Variants in STXBP5 observed in about 807,000 individuals in gnomAD.
STXBP5 encodes the protein syntaxin-binding protein 5.
STXBP5 carries 50 observed loss-of-function variants against 152.4 expected under a neutral mutation model. That is an observed-to-expected ratio of 0.33 (90% CI 0.26 to 0.42). STXBP5 has a LOEUF of 0.42. Among genes scored for constraint, STXBP5 ranks in the 10% least tolerant of loss-of-function variants. The pLI is 1.00. For missense variants in STXBP5, 1,167 were observed against 1,388.6 expected (o/e 0.84, Z 2.54); for synonymous variants, 492 against 494.7 (o/e 0.99, Z 0.07).
intron 4 of STXBP5, among the ~76,000 whole-genome samples, chr6:147,240,189 G>A (rs1582827995): frequency 6.6e-6 from 1 of 151,984 alleles, no homozygotes; most frequent in South Asian, 2.1e-4. Context: ...TGATCTGCCC[G>A]CCTCAGCCTC....
At chr6:147,335,063 C>T (rs1465297386) in intron 19 of STXBP5, among the ~76,000 whole-genome samples, 1 of 152,082 alleles carries the variant, frequency 6.6e-6, no homozygotes, top group Non-Finnish European at 1.5e-5. Flanking sequence ...TTGCCTTTTA[C>T]AATTGCATTT....
intron 4 of STXBP5, among the ~76,000 whole-genome samples, chr6:147,244,659 G>A (rs1377105340): frequency 6.6e-6 from 1 of 152,120 alleles, no homozygotes; most frequent in Non-Finnish European, 1.5e-5. Context: ...GTGAAATACA[G>A]TTTTTGGTGA....
At chr6:147,311,896 T>C (rs1384143436) in intron 11 of STXBP5, among the ~76,000 whole-genome samples, 1 of 152,192 alleles carries the variant, frequency 6.6e-6, no homozygotes, top group East Asian at 1.9e-4. Flanking sequence ...GCAATGTTTA[T>C]ACGTGCTTTT....
Position 147,206,101 on chromosome 6 carries a change from T to G in STXBP5, c.248+33T>G, listed in dbSNP as rs748792851. The G allele has an allele frequency of 6.4e-6, 10 of 1,574,794 alleles. No homozygotes were observed. The South Asian group carries it at 1.1e-4, about 17-fold the overall frequency. ...TTCTTTAATTTTATTTTTTAACTTC[T>G]ACTTTGTTCTCCCCAGTCCTTCTGT... On this transcript the variant is annotated intron_variant, in intron 2 of 27. Coordinates refer to ENST00000321680, the MANE Select transcript of STXBP5 (RefSeq NM_001127715.4).
chr6:147,236,691 AAAG>A (rs1778287437), intron 3 of STXBP5, among the ~76,000 whole-genome samples: 1 of 152,150 alleles, frequency 6.6e-6, no homozygotes, highest in African/African-American at 2.4e-5. Flanking sequence ...AAGGGAAAAT[AAAG>A]AAGTGCCTTC....
At chr6:147,295,449 C>T (rs191292702) in intron 9 of STXBP5, among the ~76,000 whole-genome samples, 130 of 152,268 alleles carry the variant, frequency 8.5e-4, no homozygotes, top group Non-Finnish European at 1.5e-3. Flanking sequence ...TCACCATCCC[C>T]CCCACACACG....
In STXBP5 at chr6:147,211,143, C is replaced by G. The variant is rs545066870; in HGVS notation, c.248+5075C>G. Among the ~76,000 whole-genome samples, 4 of 152,082 alleles carry G rather than the reference C, an allele frequency of 2.6e-5. No individual in the cohort carries two copies. In the South Asian group the frequency reaches 8.3e-4, roughly 32 times the overall value. On this transcript the variant is annotated intron_variant, in intron 2 of 27. Coordinates refer to ENST00000321680, the MANE Select transcript of STXBP5 (RefSeq NM_001127715.4). ...TGACCAACGTGGTGGAACCCCATCT[C>G]TACTAAAAACACAAAAATTAGCCTG...
At chr6:147,253,799 C>T (rs1037602914) in intron 4 of STXBP5, among the ~76,000 whole-genome samples, 6 of 152,088 alleles carry the variant, frequency 3.9e-5, no homozygotes, top group African/African-American at 1.4e-4. Flanking sequence ...TAAGAGAGGA[C>T]ACAAACAAAT....
At position 147,388,158 on chromosome 6, in the gene STXBP5, A is replaced by G. The variant is rs1786428181; in HGVS notation, c.*3403A>G. On this transcript the variant is annotated 3_prime_UTR_variant, in exon 28 of 28. Coordinates refer to ENST00000321680, the MANE Select transcript of STXBP5 (RefSeq NM_001127715.4). ...AATTTTTTCTGCACTTTTTTAGGTAATGAAAACTTTTTATTATCATTTAAT... is the reference window on the plus strand; with the variant it reads ...AATTTTTTCTGCACTTTTTTAGGTAGTGAAAACTTTTTATTATCATTTAAT... 1 of 151,928 alleles carries G rather than the reference A, an allele frequency of 6.6e-6. No homozygotes were observed. Among genetic ancestry groups the G allele is most frequent in the Admixed American group, 6.6e-5 (1 of 15,230 alleles). The allele number at this position is 151,928 out of a possible 1,614,324, so 9.4% of individuals were successfully genotyped here.
chr6:147,241,036 G>T (rs1381485756), intron 4 of STXBP5, among the ~76,000 whole-genome samples: 1 of 152,100 alleles, frequency 6.6e-6, no homozygotes, highest in Non-Finnish European at 1.5e-5. Flanking sequence ...AACTCTTACT[G>T]TATTATGATA....
intron 4 of STXBP5, among the ~76,000 whole-genome samples, chr6:147,245,080 C>T (rs1293156924): frequency 6.7e-6 from 1 of 148,782 alleles, no homozygotes; most frequent in South Asian, 2.1e-4. Context: ...GCAATCTCTG[C>T]CTCCTGGGTT....
In STXBP5 at chr6:147,362,041, A is replaced by G. The variant is rs1785088478; in HGVS notation, c.2546-1294A>G. Among the ~76,000 whole-genome samples, 3 of 152,194 alleles carry G rather than the reference A, an allele frequency of 2.0e-5. No homozygotes were observed. In the South Asian group the frequency reaches 6.2e-4, roughly 32 times the overall value. ...GATGCCCAGTCAAATTTTAATTGATATAACAAATACTTTAATATAAGTGTG... is the reference window on the plus strand; with the variant it reads ...GATGCCCAGTCAAATTTTAATTGATGTAACAAATACTTTAATATAAGTGTG... On this transcript the variant is annotated intron_variant, in intron 23 of 27. Transcript: ENST00000321680.
intron 2 of STXBP5, among the ~76,000 whole-genome samples, chr6:147,211,617 G>T (rs575001054): frequency 1.3e-5 from 2 of 152,212 alleles, no homozygotes; most frequent in East Asian, 1.9e-4. Flanking sequence ...TTGAGTCGGG[G>T]TCTTACTCTG....
At chr6:147,356,023 A>G (rs1784799481) in intron 22 of STXBP5, among the ~76,000 whole-genome samples, 1 of 152,146 alleles carries the variant, frequency 6.6e-6, no homozygotes, top group South Asian at 2.1e-4. Flanking sequence ...ATCAGTTTCA[A>G]ACTTGACTGT....
chr6:147,264,917 C>G (rs1562448574), intron 6 of STXBP5, among the ~76,000 whole-genome samples: 1 of 152,006 alleles, frequency 6.6e-6, no homozygotes, highest in African/African-American at 2.4e-5. Context: ...AAGTTTAACC[C>G]TCTTAAGTTA....
Position 147,206,040 on chromosome 6 carries a change from G to A in STXBP5, c.220G>A (p.Val74Met). The A allele has an allele frequency of 6.2e-7, 1 of 1,614,120 alleles. No homozygotes were observed. The highest frequency in any genetic ancestry group is 1.1e-5 in the South Asian group (1 of 91,084). The change falls in exon 2 of 28, where the codon GTG becomes ATG. Residue 74 changes from valine (V) to methionine (M), a missense_variant. By Grantham distance (21) the Val-to-Met change is conservative (BLOSUM62 1). Transcript: ENST00000321680. ...AFDPVQKILA[V>M]GTQTGALRLF... Reference sequence around the variant, plus strand: ...TGATCCTGTACAGAAGATCCTGGCAGTGGGAACTCAGACTGGTGCTTTAAG... The same window carrying A: ...TGATCCTGTACAGAAGATCCTGGCAATGGGAACTCAGACTGGTGCTTTAAG...
chr6:147,259,177 A>G (rs1324492329), intron 4 of STXBP5, among the ~76,000 whole-genome samples: 1 of 152,184 alleles, frequency 6.6e-6, no homozygotes, highest in South Asian at 2.1e-4. Context: ...AACTAGTTAA[A>G]TGAATGTTTA....
intron 6 of STXBP5, among the ~76,000 whole-genome samples, chr6:147,263,342 C>CTTTTTTTT (rs1029110765): frequency 1.3e-4 from 17 of 128,790 alleles, no homozygotes; most frequent in African/African-American, 4.2e-4. Flanking sequence ...TTCTTTCTTT[C>CTTTTTTTT]TTTTTTTTTT....
At chr6:147,380,186 A>ACG (rs1326305378) in intron 26 of STXBP5, among the ~76,000 whole-genome samples, 1 of 151,158 alleles carries the variant, frequency 6.6e-6, no homozygotes, top group Non-Finnish European at 1.5e-5. Flanking sequence ...ACACACACAC[A>ACG]CACACACACA....
Sources: gnomAD v4.1 joint callset for allele counts (sites outside exome capture counted in the v4.1 genomes callset) on GRCh38, gnomAD v4.1.1 for gene constraint, MANE v1.5 for transcripts, NCBI Gene and HGNC (gene_info 2026-07-23, HGNC 2026-07-21) for gene names.